The following RNASEH2B variants were observed in gnomAD, a reference collection of about 807,000 sequenced individuals.
The protein encoded by RNASEH2B is Aicardi-Goutieres syndrome 2 protein.
In RNASEH2B, 36 loss-of-function variants were observed where a neutral mutation model predicts 45.0. The observed-to-expected ratio is 0.80, with a 90% confidence interval of 0.61 to 1.06. RNASEH2B has a LOEUF of 1.06. RNASEH2B is among the 50% of genes least tolerant of loss of function. The pLI is 0.00. For missense variants in RNASEH2B, 361 were observed against 360.3 expected (o/e 1.00, Z -0.02); for synonymous variants, 119 against 125.7 (o/e 0.95, Z 0.35).
intron 9 of RNASEH2B, among the ~76,000 whole-genome samples, chr13:50,964,960 C>T (rs1355999900): frequency 2.6e-5 from 4 of 152,176 alleles, no homozygotes; most frequent in African/African-American, 9.7e-5. Flanking sequence ...AGCTCCTACT[C>T]AGTACTCTCC....
At chr13:50,955,346 G>A (rs898210298) in intron 10 of RNASEH2B, 3 of 152,172 alleles carry the variant, frequency 2.0e-5, no homozygotes, top group Non-Finnish European at 2.9e-5. Flanking sequence ...CCCAAATAGC[G>A]AGTTATCTCG....
intron 4 of RNASEH2B, chr13:50,934,231 A>G (rs1032841276): frequency 2.0e-5 from 3 of 153,188 alleles, no homozygotes; most frequent in African/African-American, 4.8e-5. Flanking sequence ...GTGAATCCAT[A>G]TGGTCTGCAC....
chr13:50,950,653 A>G (rs140360072), intron 9 of RNASEH2B: 4 of 152,174 alleles, frequency 2.6e-5, no homozygotes, highest in African/African-American at 9.6e-5. Context: ...CGTGCTTCTT[A>G]TTTTTCTTCA....
At chr13:50,953,281 G>A (rs1456346955) in intron 9 of RNASEH2B, 1 of 152,794 alleles carries the variant, frequency 6.5e-6, no homozygotes, top group Non-Finnish European at 1.5e-5. Flanking sequence ...ATTAAGTAAA[G>A]GTCTGACTTA....
chr13:50,935,187 C>T (rs1951732039), intron 5 of RNASEH2B, 188 bp downstream of exon 5: 2 of 596,800 alleles, frequency 3.4e-6, no homozygotes, highest in East Asian at 2.9e-5. Flanking sequence ...TTTGGAACTA[C>T]AACCATGGCA....
chr13:50,943,783 C>A (rs1406939473), intron 6 of RNASEH2B, among the ~76,000 whole-genome samples: 1 of 152,150 alleles, frequency 6.6e-6, no homozygotes, highest in Non-Finnish European at 1.5e-5. Context: ...CCCAGGGACA[C>A]AGCCAGGCAA....
chr13:50,945,207 T>C (rs922912717), intron 6 of RNASEH2B, among the ~76,000 whole-genome samples: 1 of 152,304 alleles, frequency 6.6e-6, no homozygotes, highest in East Asian at 1.9e-4. Flanking sequence ...GTGTAGGCCA[T>C]GGAAGTCCAT....
intron 9 of RNASEH2B, chr13:50,953,556 A>C: frequency 3.3e-6 from 1 of 305,978 alleles, no homozygotes; most frequent in Non-Finnish European, 6.1e-6. Flanking sequence ...GACTATTCTC[A>C]TTTTGACTTC....
rs952242983 is a variant in RNASEH2B, at chr13:50,910,455, G to A, written c.64+315G>A. 4.1e-5 allele frequency: 11 copies of A among 271,358 alleles called. No individual in the cohort carries two copies. In the South Asian group the frequency reaches 1.3e-3, roughly 31 times the overall value. 16.8% of individuals were successfully genotyped at this position (271,358 alleles called of 1,614,324 possible). ...CGGTCACCGGTGCGCTGCGGGCCCC[G>A]GAGGTTTCTGCCCTTGGTGTCCCCT... On this transcript the variant is annotated intron_variant, in intron 1 of 10. Coordinates refer to ENST00000336617, the MANE Select transcript of RNASEH2B (RefSeq NM_024570.4).
intron 1 of RNASEH2B, among the ~76,000 whole-genome samples, chr13:50,914,019 T>A (rs1205796610): frequency 3.4e-5 from 5 of 148,372 alleles, no homozygotes; most frequent in Admixed American, 6.9e-5. Context: ...TATATTAATG[T>A]TATTTCTGAT....
chr13:50,933,779 A>G (rs764289413), intron 4 of RNASEH2B: 2 of 152,240 alleles, frequency 1.3e-5, no homozygotes, highest in Non-Finnish European at 2.9e-5. Context: ...TCAAATATTT[A>G]AGATATTGAT....
intron 1 of RNASEH2B, among the ~76,000 whole-genome samples, chr13:50,925,283 C>T (rs1951578624): frequency 6.6e-6 from 1 of 151,804 alleles, no homozygotes; most frequent in Non-Finnish European, 1.5e-5. Flanking sequence ...AAGCCTTTGT[C>T]TATCAATTCT....
At chr13:50,926,717 G>GA (rs1442900696) in intron 1 of RNASEH2B, among the ~76,000 whole-genome samples, 2 of 151,812 alleles carry the variant, frequency 1.3e-5, no homozygotes, top group Non-Finnish European at 2.9e-5. Context: ...CAACCATAAT[G>GA]AAAAAGATCA....
chr13:50,954,534 T>TA (rs1285347028), intron 10 of RNASEH2B: 1 of 155,358 alleles, frequency 6.4e-6, no homozygotes, highest in Non-Finnish European at 1.4e-5. Context: ...TTCATGTTTT[T>TA]ATGATATTCA....
chr13:50,959,362 A>G (rs1952086680), downstream of RNASEH2B: 1 of 152,072 alleles, frequency 6.6e-6, no homozygotes, highest in South Asian at 2.1e-4. Context: ...CTTTACACAG[A>G]TATTGTACTT....
intron 7 of RNASEH2B, among the ~76,000 whole-genome samples, chr13:50,946,785 C>T (rs1211390918): frequency 2.6e-5 from 4 of 152,122 alleles, no homozygotes; most frequent in Non-Finnish European, 5.9e-5. Context: ...ATAAAGTAAA[C>T]TTTACATATT....
chr13:50,916,998 T>C (rs905861067), intron 1 of RNASEH2B, among the ~76,000 whole-genome samples: 2 of 152,184 alleles, frequency 1.3e-5, no homozygotes, highest in African/African-American at 2.4e-5. Flanking sequence ...AAAACTGGTT[T>C]CACGTGATTC....
At chr13:50,936,969 A>G (rs1346480509) in intron 5 of RNASEH2B, 1 of 152,148 alleles carries the variant, frequency 6.6e-6, no homozygotes, top group African/African-American at 2.4e-5. Context: ...CCATTTTCAA[A>G]GTAGCTATAT....
At position 50,945,444 on chromosome 13, in the gene RNASEH2B, A is replaced by C. The variant is rs768340427; in HGVS notation, c.528A>C (p.Ala176=). 3 of 1,612,980 alleles carry C rather than the reference A, an allele frequency of 1.9e-6. No individual in the cohort carries two copies. The highest frequency in any genetic ancestry group is 1.3e-5 in the African/African-American group (1 of 74,922). ...CTTCATAGGTTAATCAAACTGTGGC[A>C]GCATTAAAAACCAATAATGTGAATG... ...WLEKKVNQTV[A]ALKTNNVNVS... Residue 176 remains alanine, a synonymous_variant, in exon 7 of 11, where the codon GCA becomes GCC. Transcript: ENST00000336617.
Sources: allele counts gnomAD v4.1 joint callset (sites outside exome capture counted in the v4.1 genomes callset), GRCh38; gene constraint gnomAD v4.1.1; transcripts MANE v1.5; gene names NCBI Gene and HGNC (gene_info 2026-07-23, HGNC 2026-07-21).